The following NDNF variants were observed in gnomAD, a reference collection of about 807,000 sequenced individuals.
The protein encoded by NDNF is protein NDNF.
In NDNF, 16 loss-of-function variants were observed where a neutral mutation model predicts 42.0. The ratio of observed to expected loss-of-function variants is 0.38; its 90% CI spans 0.26 to 0.58. The LOEUF (loss-of-function observed/expected upper bound fraction) is 0.58, where lower values mean the gene tolerates loss of function less well. Among genes scored for constraint, NDNF ranks in the 20% least tolerant of loss-of-function variants. The pLI is 0.67. For synonymous variants in NDNF, 248 were observed against 251.7 expected (o/e 0.99, Z 0.14); for missense variants, 616 against 666.2 (o/e 0.92, Z 0.83).
intron 2 of NDNF, among the ~76,000 whole-genome samples, chr4:121,043,367 T>C (rs1560604589): frequency 6.6e-6 from 1 of 152,230 alleles, no homozygotes; most frequent in Non-Finnish European, 1.5e-5. Context: ...AACATGTTTG[T>C]GTGCTTATCA....
In NDNF at chr4:121,036,238, CATAAT is replaced by C. The variant is rs777492658; in HGVS notation, c.*21_*25del. On this transcript the variant is annotated 3_prime_UTR_variant, in exon 4 of 4. Transcript: ENST00000379692. ...ATTTAATGTCCCTCCTGGAGTTCTA[CATAAT>C]ATATCTCTATAAGAAGGTAACTAAC... 3.4e-4 allele frequency: 518 copies of C among 1,539,806 alleles called. No individual in the cohort carries two copies. The highest frequency in any genetic ancestry group is 4.3e-4 in the Non-Finnish European group (494 of 1,142,206).
chr4:121,038,006 C>A, intron 3 of NDNF: 1 of 200,542 alleles, frequency 5.0e-6, no homozygotes, highest in Admixed American at 5.3e-5. Flanking sequence ...AGCCATTTTG[C>A]TAATTTCACG....
At chr4:121,068,689 C>T (rs533387478) in intron 1 of NDNF, among the ~76,000 whole-genome samples, 10 of 151,946 alleles carry the variant, frequency 6.6e-5, no homozygotes, top group Admixed American at 2.0e-4. Context: ...CAAGACCTGA[C>T]AAGAAGGCAG....
In NDNF at chr4:121,039,937, T is replaced by C. The variant is rs747685558; in HGVS notation, c.306A>G (p.Glu102=). 2 of 1,613,636 alleles carry C rather than the reference T, an allele frequency of 1.2e-6. No homozygotes were observed. The highest frequency in any genetic ancestry group is 1.7e-6 in the Non-Finnish European group (2 of 1,179,808). The stretch of plus-strand genomic sequence containing the variant: ...ATCTATCCTGCTGCTTACCTGAGCC[T>C]TCCCCGCTCCTGTCCTCTGGCAGCT... ...LQELPEDRSG[E]GSGDLEPLEQ... is the part of the protein sequence containing the mutation. Residue 102 remains glutamate (E), a synonymous_variant, in exon 3 of 4, where the codon GAA becomes GAG. Coordinates refer to ENST00000379692, the MANE Select transcript of NDNF (RefSeq NM_024574.4).
rs28738955 is a variant in NDNF at position 121,036,252 on chromosome 4, A to G, written c.*12T>C. On this transcript the variant is annotated 3_prime_UTR_variant, in exon 4 of 4. Coordinates refer to ENST00000379692, the MANE Select transcript of NDNF (RefSeq NM_024574.4). The stretch of plus-strand genomic sequence containing the variant: ...CTGGAGTTCTACATAATATATCTCT[A>G]TAAGAAGGTAACTAACAGAACTTTC... 5.2e-3 allele frequency: 8,139 copies of G among 1,576,180 alleles called. 347 individuals are homozygous for G. The African/African-American group carries it at 0.097, about 19-fold the overall frequency.
chr4:121,036,427 C>G lies in NDNF; in HGVS notation c.1544G>C (p.Cys515Ser). 6.2e-7 allele frequency: 1 copy of G among 1,614,170 alleles called. No individual in the cohort carries two copies. Among genetic ancestry groups the G allele is most frequent in the Non-Finnish European group, 8.5e-7 (1 of 1,180,018 alleles). The change falls in exon 4 of 4, where the codon TGT becomes TCT. Residue 515 changes from cysteine (C) to serine (S), a missense_variant. By Grantham distance (112) the Cys-to-Ser change is moderately radical. Coordinates refer to ENST00000379692, the MANE Select transcript of NDNF (RefSeq NM_024574.4). The stretch of plus-strand genomic sequence containing the variant: ...CAGGTTTTGACTGTGGAAATATTTA[C>G]AGAGGACCTTTTCTGACTTCTTCCT... ...DIRKKSEKVL[C>S]KYFHSQNLQK...
intron 1 of NDNF, among the ~76,000 whole-genome samples, chr4:121,062,515 T>A (rs949937678): frequency 6.6e-6 from 1 of 152,146 alleles, no homozygotes; most frequent in African/African-American, 2.4e-5. Flanking sequence ...CACAGACAGA[T>A]CCCACAGTCA....
In NDNF at chr4:121,045,033, C is replaced by T. The variant is rs180675303; in HGVS notation, c.188+617G>A. On this transcript the variant is annotated intron_variant, in intron 2 of 3. Transcript: ENST00000379692. Reference sequence around the variant, plus strand: ...TCATGAAAATTGATTTCACTTTAATCCTACAGAATCCTTCTTAGAAATATC... The same window carrying T: ...TCATGAAAATTGATTTCACTTTAATTCTACAGAATCCTTCTTAGAAATATC... Among the ~76,000 whole-genome samples, 197 of 152,288 alleles carry T rather than the reference C, an allele frequency of 1.3e-3. 2 individuals carry two copies. Among genetic ancestry groups the T allele is most frequent in the Non-Finnish European group, 2.3e-3 (158 of 68,018 alleles).
intron 1 of NDNF, among the ~76,000 whole-genome samples, chr4:121,049,727 T>C (rs371565112): frequency 1.8e-4 from 27 of 152,172 alleles, no homozygotes; most frequent in Admixed American, 1.5e-3. Flanking sequence ...CACCAATAGA[T>C]AATGGACTGA....
At chr4:121,064,682 G>A (rs1727469898) in intron 1 of NDNF, among the ~76,000 whole-genome samples, 1 of 152,034 alleles carries the variant, frequency 6.6e-6, no homozygotes, top group South Asian at 2.1e-4. Flanking sequence ...TGTGGTCTGA[G>A]GTCTGAGGTC....
In NDNF at chr4:121,036,555, A is replaced by G; in HGVS notation, c.1416T>C (p.Thr472=). Reference sequence around the variant, plus strand: ...AGATGCAAAACTTGTTCCTTTCCTGAGTGCCTAGCCAAGCCACGGTGGCTG... The same window carrying G: ...AGATGCAAAACTTGTTCCTTTCCTGGGTGCCTAGCCAAGCCACGGTGGCTG... ...CSSATVAWLG[T]QERNKFCIYK... Residue 472 remains threonine (T), a synonymous_variant, in exon 4 of 4, where the codon ACT becomes ACC. Transcript: ENST00000379692. 1 of 1,614,050 alleles carries G rather than the reference A, an allele frequency of 6.2e-7. No homozygotes were observed.
intron 1 of NDNF, among the ~76,000 whole-genome samples, chr4:121,063,850 T>C (rs1452656128): frequency 6.6e-6 from 1 of 152,238 alleles, no homozygotes; most frequent in African/African-American, 2.4e-5. Flanking sequence ...TTTGTGCCAT[T>C]TAGAACTGGT....
intron 2 of NDNF, 118 bp downstream of exon 2, chr4:121,045,532 G>A (rs922989024): frequency 5.0e-5 from 39 of 778,594 alleles, no homozygotes; most frequent in Non-Finnish European, 7.4e-5. Context: ...ACAGAAAATC[G>A]GTAATGCCAT....
At chr4:121,059,743 T>C (rs1429422014) in intron 1 of NDNF, among the ~76,000 whole-genome samples, 1 of 152,232 alleles carries the variant, frequency 6.6e-6, no homozygotes, top group African/African-American at 2.4e-5. Flanking sequence ...CTCAAATCTT[T>C]ATGCGCACAG....
chr4:121,053,050 G>A (rs1727226577), intron 1 of NDNF, among the ~76,000 whole-genome samples: 1 of 152,164 alleles, frequency 6.6e-6, no homozygotes, highest in Non-Finnish European at 1.5e-5. Flanking sequence ...CCGACATTAT[G>A]TACAGAACTC....
At chr4:121,042,703 A>G (rs56017855) in intron 2 of NDNF, among the ~76,000 whole-genome samples, 30,505 of 152,134 alleles carry the variant, frequency 0.2, 3,370 homozygotes, top group South Asian at 0.33. Flanking sequence ...AGGTACAACA[A>G]TATAACTAGT....
intron 1 of NDNF, among the ~76,000 whole-genome samples, chr4:121,057,867 C>T (rs1727324933): frequency 6.6e-6 from 1 of 152,134 alleles, no homozygotes; most frequent in African/African-American, 2.4e-5. Flanking sequence ...TCTGAGCTCT[C>T]CCTGTACACT....
intron 1 of NDNF, chr4:121,061,595 C>T (rs1475378772): frequency 1.3e-5 from 2 of 152,238 alleles, no homozygotes; most frequent in Non-Finnish European, 2.9e-5. Flanking sequence ...CTGAGTTCCT[C>T]TTCAATTCAG....
chr4:121,071,728 G>C (rs1727605591), intron 1 of NDNF: 1 of 142,234 alleles, frequency 7.0e-6, no homozygotes, highest in South Asian at 2.2e-4. Context: ...TTCGAAAGCA[G>C]CTAAATTAAA....
Sources: allele counts gnomAD v4.1 joint callset (sites outside exome capture counted in the v4.1 genomes callset), GRCh38; gene constraint gnomAD v4.1.1; transcripts MANE v1.5; gene names NCBI Gene and HGNC (gene_info 2026-07-23, HGNC 2026-07-21).